RRAS2: variants seen among roughly 807,000 people sequenced by gnomAD.
The protein encoded by RRAS2 is RAS related 2, also known as ras-related protein R-Ras2.
In RRAS2, 7 loss-of-function variants were observed where a neutral mutation model predicts 27.6. That is an observed-to-expected ratio of 0.25 (90% CI 0.14 to 0.48). The LOEUF (loss-of-function observed/expected upper bound fraction) is 0.48, where lower values mean the gene tolerates loss of function less well. Among genes scored for constraint, RRAS2 ranks in the 20% least tolerant of loss-of-function variants. RRAS2 has a pLI of 0.99. For synonymous variants in RRAS2, 86 were observed against 90.9 expected, an observed-to-expected ratio of 0.95 and a Z score of 0.31; for missense variants, 178 against 256.2, an observed-to-expected ratio of 0.69 and a Z score of 2.08.
chr11:14,326,312 T>C (rs147048400), intron 1 of RRAS2, among the ~76,000 whole-genome samples: 3 of 152,360 alleles, frequency 2.0e-5, no homozygotes, highest in East Asian at 3.9e-4. Flanking sequence ...TGCTATTGTG[T>C]AATTTTTAGC....
At chr11:14,282,629 G>A (rs1849570639) in intron 4 of RRAS2, among the ~76,000 whole-genome samples, 1 of 148,038 alleles carries the variant, frequency 6.8e-6, no homozygotes, top group African/African-American at 2.5e-5. Context: ...GTAAACACCT[G>A]ATGAAAAATT....
chr11:14,293,697 T>C (rs189265984), intron 4 of RRAS2, among the ~76,000 whole-genome samples: 199 of 152,314 alleles, frequency 1.3e-3, no homozygotes, highest in Non-Finnish European at 2.3e-3. Flanking sequence ...TCCCCAGCCA[T>C]GTGAAACTGT....
At chr11:14,326,753 T>C (rs1235107453) in intron 1 of RRAS2, among the ~76,000 whole-genome samples, 1 of 152,102 alleles carries the variant, frequency 6.6e-6, no homozygotes, top group Admixed American at 6.6e-5. Flanking sequence ...AAGTAAACAT[T>C]TCAATCCTAT....
chr11:14,316,220 T>A (rs1554949505), intron 1 of RRAS2, among the ~76,000 whole-genome samples: 2 of 152,126 alleles, frequency 1.3e-5, no homozygotes, highest in African/African-American at 4.8e-5. Flanking sequence ...GCTCAAAAAA[T>A]AGCCTGTCAT....
At chr11:14,336,082 T>C (rs1848583313) in intron 1 of RRAS2, among the ~76,000 whole-genome samples, 1 of 152,140 alleles carries the variant, frequency 6.6e-6, no homozygotes, top group Non-Finnish European at 1.5e-5. Flanking sequence ...GAGCTAAGAC[T>C]TTCATCCCAA....
At chr11:14,353,346 C>CT (rs1414086849) in intron 1 of RRAS2, among the ~76,000 whole-genome samples, 1 of 152,042 alleles carries the variant, frequency 6.6e-6, no homozygotes, top group East Asian at 1.9e-4. Context: ...AGGCATGGTG[C>CT]AGGCCCAGGC....
In RRAS2 at chr11:14,285,427, G is replaced by A. The variant is rs781927847; in HGVS notation, c.409-3707C>T. Among the ~76,000 whole-genome samples the A allele has an allele frequency of 3.3e-5, 5 of 152,066 alleles. No individual in the cohort carries two copies. The South Asian group carries it at 8.3e-4, about 25-fold the overall frequency. ...GTTAACAACAATATTTCTCCCTCCTGCTCTTTTTTGTTATTAACTTTTACT... is the reference window on the plus strand; with the variant it reads ...GTTAACAACAATATTTCTCCCTCCTACTCTTTTTTGTTATTAACTTTTACT... On this transcript the variant is annotated intron_variant, in intron 4 of 5. Transcript: ENST00000256196.
chr11:14,359,566 G>A (rs1373949110), upstream of RRAS2, among the ~76,000 whole-genome samples: 1 of 152,226 alleles, frequency 6.6e-6, no homozygotes, highest in Non-Finnish European at 1.5e-5. Flanking sequence ...GACAGTGATT[G>A]AGGATTAGAG....
intron 1 of RRAS2, among the ~76,000 whole-genome samples, chr11:14,300,150 G>A (rs1287715278): frequency 6.6e-6 from 1 of 152,208 alleles, no homozygotes; most frequent in African/African-American, 2.4e-5. Context: ...GAGGGGAAAG[G>A]AAGGGTGGAG....
At position 14,329,043 on chromosome 11, in the gene RRAS2, A is replaced by G. The variant is rs1848430379; in HGVS notation, c.108+29720T>C. Among the ~76,000 whole-genome samples, 5 of 147,342 alleles carry G rather than the reference A, an allele frequency of 3.4e-5. 1 individual carries two copies. The South Asian group carries it at 6.4e-4, about 19-fold the overall frequency. ...TATATATATATACACACACACATATATATGTATATACACACACATATACAT... is the reference window on the plus strand; with the variant it reads ...TATATATATATACACACACACATATGTATGTATATACACACACATATACAT... On this transcript the variant is annotated intron_variant, in intron 1 of 5. Transcript: ENST00000256196.
At chr11:14,347,495 C>T (rs1265910114) in intron 1 of RRAS2, among the ~76,000 whole-genome samples, 1 of 152,144 alleles carries the variant, frequency 6.6e-6, no homozygotes, top group African/African-American at 2.4e-5. Flanking sequence ...ACACTATTTT[C>T]TGATTCCCTA....
intron 1 of RRAS2, among the ~76,000 whole-genome samples, chr11:14,348,366 T>C (rs1848882026): frequency 6.6e-6 from 1 of 152,192 alleles, no homozygotes; most frequent in Non-Finnish European, 1.5e-5. Flanking sequence ...CATCTACTAC[T>C]CTCAAACTTT....
intron 4 of RRAS2, among the ~76,000 whole-genome samples, chr11:14,293,777 T>C (rs1401872763): frequency 6.6e-6 from 1 of 152,168 alleles, no homozygotes; most frequent in African/African-American, 2.4e-5. Flanking sequence ...AGCATGAGAA[T>C]GGACTAATAC....
chr11:14,357,722 A>G (rs1849112716), intron 1 of RRAS2, among the ~76,000 whole-genome samples: 1 of 152,206 alleles, frequency 6.6e-6, no homozygotes, highest in Non-Finnish European at 1.5e-5. Context: ...AGGAAACCAG[A>G]CAAAAATATT....
chr11:14,307,287 C>G (rs150646851), intron 1 of RRAS2, among the ~76,000 whole-genome samples: 3 of 151,548 alleles, frequency 2.0e-5, no homozygotes, highest in Non-Finnish European at 4.4e-5. Flanking sequence ...TACCAATACA[C>G]TCATGACATG....
intron 1 of RRAS2, among the ~76,000 whole-genome samples, chr11:14,324,016 C>A (rs1420748165): frequency 6.6e-5 from 10 of 150,436 alleles, no homozygotes; most frequent in African/African-American, 2.4e-4. Flanking sequence ...ACACTTTTTA[C>A]AGTGAAACTC....
chr11:14,294,403 C>A, intron 4 of RRAS2, 68 bp downstream of exon 4: 1 of 1,077,858 alleles, frequency 9.3e-7, no homozygotes, highest in Non-Finnish European at 1.3e-6. Flanking sequence ...CAATTATTTC[C>A]TTAAATCTAT....
At chr11:14,314,578 G>A (rs957431062) in intron 1 of RRAS2, among the ~76,000 whole-genome samples, 2 of 152,194 alleles carry the variant, frequency 1.3e-5, no homozygotes, top group South Asian at 4.1e-4. Flanking sequence ...ATAAAATAAA[G>A]AGGAACATCT....
chr11:14,337,521 A>C (rs1848611948), intron 1 of RRAS2, among the ~76,000 whole-genome samples: 2 of 152,218 alleles, frequency 1.3e-5, no homozygotes, highest in African/African-American at 4.8e-5. Context: ...ATATCATCAT[A>C]AGAATATAGA....
Sources: allele counts gnomAD v4.1 joint callset (sites outside exome capture counted in the v4.1 genomes callset), GRCh38; gene constraint gnomAD v4.1.1; transcripts MANE v1.5; gene names NCBI Gene and HGNC (gene_info 2026-07-23, HGNC 2026-07-21).